CLOCK: variants seen among roughly 807,000 people sequenced by gnomAD.
CLOCK encodes the protein circadian locomoter output cycles protein kaput.
A neutral mutation model predicts 118.4 loss-of-function variants in CLOCK; 43 were observed. That is an observed-to-expected ratio of 0.36 (90% CI 0.28 to 0.47). CLOCK has a LOEUF of 0.47. CLOCK is among the 20% of genes least tolerant of loss of function. CLOCK has a pLI of 1.00. For missense variants in CLOCK, 846 were observed against 999.9 expected, an observed-to-expected ratio of 0.85 and a Z score of 2.08; for synonymous variants, 326 against 339.2, an observed-to-expected ratio of 0.96 and a Z score of 0.43.
intron 12 of CLOCK, 104 bp downstream of exon 12, chr4:55,456,114 G>T: frequency 1.5e-6 from 2 of 1,317,558 alleles, no homozygotes; most frequent in Admixed American, 2.1e-5. Context: ...ATGGGAACAG[G>T]TTTCAAAGTC....
intron 21 of CLOCK, among the ~76,000 whole-genome samples, chr4:55,441,543 C>T (rs1400169047): frequency 1.3e-5 from 2 of 152,164 alleles, no homozygotes; most frequent in East Asian, 3.8e-4. Flanking sequence ...TGGCCTACTA[C>T]TCAGCCATAA....
chr4:55,539,572 C>CAAAA lies in CLOCK; in HGVS notation c.-290+7206_-290+7209dup, dbSNP rs57022769. Among the ~76,000 whole-genome samples the CAAAA allele has an allele frequency of 2.8e-3, 144 of 52,062 alleles. 9 individuals are homozygous for CAAAA. Among genetic ancestry groups the CAAAA allele is most frequent in the Non-Finnish European group, 3.8e-3 (119 of 31,352 alleles). The allele number at this position is 52,062 out of a possible 152,430, so 34.2% of individuals were successfully genotyped here. A position where few individuals can be genotyped will look rare whatever the true frequency, so the allele number is the denominator to read the frequency against. On this transcript the variant is annotated intron_variant, in intron 1 of 22. Coordinates refer to ENST00000513440, the MANE Select transcript of CLOCK (RefSeq NM_004898.4). ...TGGGTGCCAGAGTGAGACCTTGTCT[C>CAAAA]AAAAAAAAAAAAAAAAAAAAAAAAA...
chr4:55,543,171 G>A (rs112555238), intron 1 of CLOCK, among the ~76,000 whole-genome samples: 2 of 152,240 alleles, frequency 1.3e-5, no homozygotes, highest in African/African-American at 2.4e-5. Context: ...TCCCACCTCG[G>A]CCGCTCGAAG....
At chr4:55,455,594 T>G (rs947610972) in intron 13 of CLOCK, among the ~76,000 whole-genome samples, 1 of 152,120 alleles carries the variant, frequency 6.6e-6, no homozygotes, top group African/African-American at 2.4e-5. Context: ...ACTCCAAAAG[T>G]TTGAAGTATT....
chr4:55,504,054 G>GCC lies in CLOCK; in HGVS notation c.-136+5857_-136+5858insGG, dbSNP rs1334112685. ...AATCCCAGCACTTTGGGAGGCCAAG[G>GCC]CGGGCGGATCACGAGGTCAGGAGAT... On this transcript the variant is annotated intron_variant, in intron 2 of 22. Transcript: ENST00000513440. Among the ~76,000 whole-genome samples the GCC allele has an allele frequency of 3.5e-5, 5 of 144,776 alleles. No homozygotes were observed. The East Asian group carries it at 1.1e-3, about 31-fold the overall frequency. The allele number at this position is 144,776 out of a possible 152,430, so 95.0% of individuals were successfully genotyped here.
Position 55,435,569 on chromosome 4 carries a change from G to A in CLOCK, c.2387C>T (p.Pro796Leu). 1.2e-6 allele frequency: 2 copies of A among 1,613,808 alleles called. No individual in the cohort carries two copies. The highest frequency in any genetic ancestry group is 1.7e-6 in the Non-Finnish European group (2 of 1,179,882). The part of the protein sequence containing the change: ...LQTSRLLHGN[P>L]STQLILSAAF... ...AGCAGAGAGAATGAGTTGAGTTGAG[G>A]GATTCCCATGGAGCAACCTAGAAGT... The change falls in exon 23 of 23, where the codon CCC (proline) becomes CTC (leucine). Residue 796 changes from proline (P) to leucine (L), a missense_variant. Around this residue, in one of 4 missense-constraint regions of CLOCK, gnomAD observed 520 missense variants for 558.0 expected, o/e 0.93. Coordinates refer to ENST00000513440, the MANE Select transcript of CLOCK (RefSeq NM_004898.4).
chr4:55,441,113 G>A (rs925611368), intron 21 of CLOCK, among the ~76,000 whole-genome samples: 10 of 152,122 alleles, frequency 6.6e-5, no homozygotes, highest in Non-Finnish European at 1.5e-4. Context: ...GGGAAGGAAC[G>A]ATGCCATACT....
intron 1 of CLOCK, among the ~76,000 whole-genome samples, chr4:55,513,656 C>T (rs1729304938): frequency 6.6e-6 from 1 of 152,064 alleles, no homozygotes; most frequent in South Asian, 2.1e-4. Context: ...TCCATATAAA[C>T]TTATTGGAAT....
intron 1 of CLOCK, among the ~76,000 whole-genome samples, chr4:55,543,173 C>T (rs1031328429): frequency 2.6e-5 from 4 of 152,160 alleles, no homozygotes; most frequent in East Asian, 1.9e-4. Flanking sequence ...CCACCTCGGC[C>T]GCTCGAAGTT....
chr4:55,496,281 A>AC (rs35345043), intron 2 of CLOCK, among the ~76,000 whole-genome samples: 45,927 of 151,768 alleles, frequency 0.3, 7,560 homozygotes, highest in East Asian at 0.58. Flanking sequence ...GAAAAAAAAA[A>AC]CTGTGCCAGC....
chr4:55,448,091 C>T lies in CLOCK; in HGVS notation c.1539+688G>A, dbSNP rs142781712. On this transcript the variant is annotated intron_variant, in intron 18 of 22. Coordinates refer to ENST00000513440, the MANE Select transcript of CLOCK (RefSeq NM_004898.4). ...AGTTTTCCTTCACTTCCTCAGGTTGCATTAAGGATTCACACAATCTGCTTA... is the reference window on the plus strand; with the variant it reads ...AGTTTTCCTTCACTTCCTCAGGTTGTATTAAGGATTCACACAATCTGCTTA... Among the ~76,000 whole-genome samples, 412 of 152,240 alleles carry T rather than the reference C, an allele frequency of 2.7e-3. 1 individual carries two copies. Among genetic ancestry groups the T allele is most frequent in the South Asian group, 0.011 (51 of 4,828 alleles).
chr4:55,493,696 C>G (rs544974235), intron 2 of CLOCK, among the ~76,000 whole-genome samples: 1 of 152,262 alleles, frequency 6.6e-6, no homozygotes, highest in South Asian at 2.1e-4. Flanking sequence ...GTATTAGCCA[C>G]CTCTACAACC....
At chr4:55,459,910 C>T (rs2109805448) in intron 9 of CLOCK, among the ~76,000 whole-genome samples, 1 of 152,270 alleles carries the variant, frequency 6.6e-6, no homozygotes, top group South Asian at 2.1e-4. Flanking sequence ...AATCCTCCTG[C>T]CTCAAAGTGG....
chr4:55,461,505 GATC>G (rs1725343064), intron 9 of CLOCK, among the ~76,000 whole-genome samples: 1 of 152,172 alleles, frequency 6.6e-6, no homozygotes, highest in Non-Finnish European at 1.5e-5. Flanking sequence ...TGGCCAGCTT[GATC>G]ATCAGAATGG....
At chr4:55,500,787 T>A (rs17085850) in intron 2 of CLOCK, among the ~76,000 whole-genome samples, 3,176 of 152,314 alleles carry the variant, frequency 0.021, 105 homozygotes, top group African/African-American at 0.071. Flanking sequence ...CATTATTTCA[T>A]TAGGAGTATG....
intron 2 of CLOCK, among the ~76,000 whole-genome samples, chr4:55,503,332 C>T (rs954865106): frequency 2.6e-5 from 4 of 152,192 alleles, no homozygotes; most frequent in African/African-American, 9.6e-5. Flanking sequence ...ACCACTGCTA[C>T]ATGCATCAAC....
At chr4:55,535,591 G>C (rs1396273581) in intron 1 of CLOCK, among the ~76,000 whole-genome samples, 2 of 151,966 alleles carry the variant, frequency 1.3e-5, no homozygotes, top group South Asian at 4.2e-4. Context: ...TCTGCACTTA[G>C]GTAAAATGAA....
At chr4:55,479,955 A>G (rs532478223) in intron 4 of CLOCK, among the ~76,000 whole-genome samples, 2 of 152,340 alleles carry the variant, frequency 1.3e-5, no homozygotes, top group East Asian at 3.9e-4. Flanking sequence ...CTAAACAAGA[A>G]TTTAACCAGT....
At chr4:55,487,008 T>G (rs1727339929) in intron 3 of CLOCK, among the ~76,000 whole-genome samples, 1 of 152,148 alleles carries the variant, frequency 6.6e-6, no homozygotes, top group Non-Finnish European at 1.5e-5. Context: ...GTAATTTTCT[T>G]ATTTTTTCTC....
Sources: allele counts gnomAD v4.1 joint callset (sites outside exome capture counted in the v4.1 genomes callset), GRCh38; gene constraint gnomAD v4.1.1; regional missense constraint gnomAD v4.1.1; transcripts MANE v1.5; gene names NCBI Gene and HGNC (gene_info 2026-07-23, HGNC 2026-07-21).